The following PDE3B variants were observed in gnomAD, a reference collection of about 807,000 sequenced individuals.
The protein encoded by PDE3B is cGMP-inhibited 3',5'-cyclic phosphodiesterase 3B.
PDE3B carries 66 observed loss-of-function variants against 116.8 expected under a neutral mutation model. That is an observed-to-expected ratio of 0.56 (90% confidence interval 0.46 to 0.69). The LOEUF (loss-of-function observed/expected upper bound fraction) is 0.69, where lower values mean the gene tolerates loss of function less well. Ranked by LOEUF, PDE3B falls within the 30% of genes least tolerant of loss-of-function variation. The probability of loss-of-function intolerance (pLI) is 0.00; values close to 1 mark genes in which losing one functional copy is unlikely to be tolerated. For missense variants in PDE3B, 1,384 were observed against 1,368.1 expected, an observed-to-expected ratio of 1.01 and a Z score of -0.18; for synonymous variants, 595 against 533.6, an observed-to-expected ratio of 1.12 and a Z score of -1.59.
chr11:14,890,443 C>A, the PDE3B span: 13 of 981,478 alleles, frequency 1.3e-5, no homozygotes, highest in African/African-American at 1.8e-5. Flanking sequence ...TTTATTATCT[C>A]GTCCAGCTTC....
chr11:14,888,310 G>A, the PDE3B span, among the ~76,000 whole-genome samples: 1 of 152,198 alleles, frequency 6.6e-6, no homozygotes, highest in Non-Finnish European at 1.5e-5. Context: ...ACCTAGGACA[G>A]TGCACAGCAT....
chr11:14,818,957 C>A (rs546983447), intron 6 of PDE3B, among the ~76,000 whole-genome samples, 179 bp from the exon 7 acceptor site: 5 of 152,040 alleles, frequency 3.3e-5, no homozygotes, highest in Admixed American at 6.6e-5. Flanking sequence ...ATTTTGTTTC[C>A]TTCAAGGACA....
At chr11:14,723,217 G>A (rs531895896) in intron 1 of PDE3B, among the ~76,000 whole-genome samples, 51 of 152,212 alleles carry the variant, frequency 3.4e-4, no homozygotes, top group African/African-American at 1.2e-3. Context: ...CTCCAATTTA[G>A]CCATTGTACT....
At chr11:14,725,380 C>T in intron 1 of PDE3B, among the ~76,000 whole-genome samples, 1 of 141,580 alleles carries the variant, frequency 7.1e-6, no homozygotes, top group Non-Finnish European at 1.5e-5. Flanking sequence ...TCCTTTCTTC[C>T]TTCCTTCCTT....
In PDE3B at chr11:14,789,202, A is replaced by G. The variant is rs1452298615; in HGVS notation, c.1375A>G (p.Asn459Asp). Reference sequence around the variant, plus strand: ...TGAACAGTCTTCAAGGTGGGATCGTAATAATGGCAAAAGACCTCACCAAGA... The same window carrying G: ...TGAACAGTCTTCAAGGTGGGATCGTGATAATGGCAAAAGACCTCACCAAGA... ...PVEQSSRWDR[N>D]NGKRPHQEFG... The change falls in exon 4 of 16, where the codon AAT becomes GAT. Residue 459 changes from asparagine to aspartate, a missense_variant. Asn to Asp is a conservative substitution (Grantham distance 23). Transcript: ENST00000282096. 2 of 1,610,238 alleles carry G rather than the reference A, an allele frequency of 1.2e-6. No homozygotes were observed. The highest frequency in any genetic ancestry group is 1.7e-6 in the Non-Finnish European group (2 of 1,177,674).
chr11:14,649,410 C>A lies in PDE3B; in HGVS notation c.978+4357C>A, dbSNP rs568935298. 2.0e-4 allele frequency among the ~76,000 whole-genome samples: 30 copies of A among 152,222 alleles called. No homozygotes were observed. The South Asian group carries it at 6.0e-3, about 31-fold the overall frequency. On this transcript the variant is annotated intron_variant, in intron 1 of 15. Coordinates refer to ENST00000282096, the MANE Select transcript of PDE3B (RefSeq NM_000922.4). ...TTGTACAAGGAAAATAAATTGAACT[C>A]CAGAGAGATAAAAATACTGGCTGAG...
chr11:14,850,767 T>C (rs115979449), intron 12 of PDE3B, among the ~76,000 whole-genome samples: 128 of 152,276 alleles, frequency 8.4e-4, no homozygotes, highest in African/African-American at 2.9e-3. Context: ...TCTCAACAAA[T>C]AGATACTGTA....
intron 2 of PDE3B, chr11:14,773,248 TGTG>T (rs1309378813): frequency 6.6e-6 from 1 of 152,262 alleles, no homozygotes; most frequent in East Asian, 1.9e-4. Context: ...ATTCTACTAA[TGTG>T]GTGAATTACA....
chr11:14,812,409 C>G (rs748672523), intron 5 of PDE3B, among the ~76,000 whole-genome samples: 1 of 151,964 alleles, frequency 6.6e-6, no homozygotes, highest in Non-Finnish European at 1.5e-5. Context: ...CAATGAAAAT[C>G]AGAAAATATT....
the PDE3B span, among the ~76,000 whole-genome samples, chr11:14,888,363 G>A: frequency 6.6e-6 from 1 of 152,228 alleles, no homozygotes; most frequent in Non-Finnish European, 1.5e-5. Flanking sequence ...TAGTCATAGA[G>A]ACATACATTT....
chr11:14,698,358 T>A (rs1855270931), intron 1 of PDE3B, among the ~76,000 whole-genome samples: 1 of 151,946 alleles, frequency 6.6e-6, no homozygotes, highest in Non-Finnish European at 1.5e-5. Flanking sequence ...TAAAAAAATT[T>A]TAATTTCTTT....
intron 2 of PDE3B, among the ~76,000 whole-genome samples, chr11:14,779,959 G>A (rs1202758351): frequency 2.6e-5 from 4 of 151,190 alleles, no homozygotes; most frequent in Admixed American, 6.6e-5. Flanking sequence ...TCAAAATAAA[G>A]GGATGGAGGA....
At chr11:14,777,048 A>G (rs1247482250) in intron 2 of PDE3B, among the ~76,000 whole-genome samples, 3 of 152,200 alleles carry the variant, frequency 2.0e-5, no homozygotes, top group Non-Finnish European at 4.4e-5. Flanking sequence ...ATATTAGCAA[A>G]AGAAATATAA....
chr11:14,724,145 G>C (rs1420990609), intron 1 of PDE3B, among the ~76,000 whole-genome samples: 1 of 152,140 alleles, frequency 6.6e-6, no homozygotes, highest in Non-Finnish European at 1.5e-5. Flanking sequence ...GAAATGGAGA[G>C]AAATAGACTT....
chr11:14,705,439 A>T (rs1416508785), intron 1 of PDE3B, among the ~76,000 whole-genome samples: 1 of 151,814 alleles, frequency 6.6e-6, no homozygotes, highest in Non-Finnish European at 1.5e-5. Flanking sequence ...AGAAATCAAA[A>T]ACTAATTTAT....
intron 1 of PDE3B, among the ~76,000 whole-genome samples, chr11:14,721,087 A>G (rs1336887408): frequency 2.0e-5 from 3 of 146,398 alleles, no homozygotes; most frequent in Non-Finnish European, 3.0e-5. Context: ...AGAAAAAAAC[A>G]AACAACCCCA....
chr11:14,674,826 AT>A (rs1854483503), intron 1 of PDE3B, among the ~76,000 whole-genome samples: 1 of 152,158 alleles, frequency 6.6e-6, no homozygotes, highest in Non-Finnish European at 1.5e-5. Context: ...AAAAGTTTTT[AT>A]TTGTATTTTT....
intron 1 of PDE3B, chr11:14,673,509 G>A (rs754657311): frequency 2.9e-5 from 10 of 342,458 alleles, no homozygotes; most frequent in African/African-American, 6.4e-5. Flanking sequence ...AAAGCACATC[G>A]TTTGTACAAG....
intron 1 of PDE3B, among the ~76,000 whole-genome samples, chr11:14,766,046 A>C (rs1470634096): frequency 6.6e-6 from 1 of 151,596 alleles, no homozygotes; most frequent in East Asian, 1.9e-4. Context: ...TGTACCGCCA[A>C]CTATGCATTC....
Sources: allele counts gnomAD v4.1 joint callset (sites outside exome capture counted in the v4.1 genomes callset), GRCh38; gene constraint gnomAD v4.1.1; transcripts MANE v1.5; gene names NCBI Gene and HGNC (gene_info 2026-07-23, HGNC 2026-07-21).